The following PLXNA2 variants were observed in gnomAD, a reference collection of about 807,000 sequenced individuals.
PLXNA2 encodes plexin A2.
PLXNA2 carries 91 observed loss-of-function variants against 193.5 expected under a neutral mutation model. That is an observed-to-expected ratio of 0.47 (90% CI 0.40 to 0.56). The LOEUF is 0.56. Ranked by LOEUF, PLXNA2 falls within the 20% of genes least tolerant of loss-of-function variation. PLXNA2 has a pLI of 0.00. For synonymous variants in PLXNA2, 997 were observed against 1,027.3 expected, an observed-to-expected ratio of 0.97 and a Z score of 0.56; for missense variants, 1,995 against 2,503.2, an observed-to-expected ratio of 0.80 and a Z score of 4.33.
chr1:208,119,970 C>A (rs188179882), intron 4 of PLXNA2, among the ~76,000 whole-genome samples: 16 of 152,182 alleles, frequency 1.1e-4, no homozygotes, highest in Non-Finnish European at 1.6e-4. Flanking sequence ...GGTCCAGAAC[C>A]GGAGGGAGGT....
intron 13 of PLXNA2, among the ~76,000 whole-genome samples, chr1:208,060,231 A>G (rs140974614): frequency 3.3e-5 from 5 of 152,316 alleles, no homozygotes; most frequent in African/African-American, 1.2e-4. Context: ...TCTAATTTCC[A>G]GCTGACATTT....
rs76566753 is a variant in PLXNA2, at chr1:208,120,140, G to A, written c.1507-16893C>T. Among the ~76,000 whole-genome samples the A allele has an allele frequency of 9.4e-3, 1,435 of 152,314 alleles. 18 individuals are homozygous for A. The highest frequency in any genetic ancestry group is 0.031 in the African/African-American group (1,294 of 41,564). On this transcript the variant is annotated intron_variant, in intron 4 of 31. Coordinates refer to ENST00000367033, the MANE Select transcript of PLXNA2 (RefSeq NM_025179.4). ...ACAATACTGATTTAGCCCCGGCTGG[G>A]TGCAGAGTTTTCTGATGGATGTCAC...
intron 3 of PLXNA2, among the ~76,000 whole-genome samples, chr1:208,152,848 T>C (rs1668814489): frequency 6.6e-6 from 1 of 151,666 alleles, no homozygotes; most frequent in Non-Finnish European, 1.5e-5. Flanking sequence ...TTCACGCCTT[T>C]GCTTGACAAT....
At chr1:208,087,287 G>A (rs1420320686) in intron 9 of PLXNA2, among the ~76,000 whole-genome samples, 1 of 151,912 alleles carries the variant, frequency 6.6e-6, no homozygotes, top group South Asian at 2.1e-4. Context: ...TAACACATAT[G>A]TTATCTATAT....
At chr1:208,090,101 C>T (rs1005383092) in intron 9 of PLXNA2, among the ~76,000 whole-genome samples, 9 of 152,142 alleles carry the variant, frequency 5.9e-5, no homozygotes, top group African/African-American at 2.2e-4. Context: ...CTGGCAACCT[C>T]GCTGGGAATC....
intron 3 of PLXNA2, among the ~76,000 whole-genome samples, chr1:208,162,510 T>TG (rs564266116): frequency 2.7e-3 from 409 of 152,316 alleles, no homozygotes; most frequent in African/African-American, 9.4e-3. Context: ...TTTGGCCCTT[T>TG]GTGCTTCTTT....
chr1:208,042,370 G>C lies in PLXNA2; in HGVS notation c.4018-4C>G. 6.2e-7 allele frequency: 1 copy of C among 1,612,054 alleles called. No homozygotes were observed. Among genetic ancestry groups the C allele is most frequent in the Non-Finnish European group, 8.5e-7 (1 of 1,178,466 alleles). On this transcript the variant is annotated splice_polypyrimidine_tract_variant and splice_region_variant and intron_variant, in intron 21 of 31. Coordinates refer to ENST00000367033, the MANE Select transcript of PLXNA2 (RefSeq NM_025179.4). ...GCTGCTGCCCGTTTCCTTGTACCTG[G>C]GGTGGGGTGTGGTGGAGGCGACGCC...
In PLXNA2 at chr1:208,051,985, G is replaced by A. The variant is rs11809693; in HGVS notation, c.2993+342C>T. On this transcript the variant is annotated intron_variant, in intron 15 of 31. Coordinates refer to ENST00000367033, the MANE Select transcript of PLXNA2 (RefSeq NM_025179.4). The stretch of plus-strand genomic sequence containing the variant: ...CATAAGTCTGTGCTTTCTAAGAACT[G>A]AGGCTATGCAATCTCCGTGTTTTTC... Among the ~76,000 whole-genome samples the A allele has an allele frequency of 7.6e-3, 1,162 of 152,252 alleles. 17 individuals are homozygous for A. Among genetic ancestry groups the A allele is most frequent in the African/African-American group, 0.026 (1,083 of 41,532 alleles).
At chr1:208,158,012 C>T (rs1032084113) in intron 3 of PLXNA2, among the ~76,000 whole-genome samples, 1 of 152,138 alleles carries the variant, frequency 6.6e-6, no homozygotes, top group Non-Finnish European at 1.5e-5. Flanking sequence ...CTCACTGGCA[C>T]CGTGTGCTGT....
chr1:208,203,887 C>A (rs1172735397), intron 3 of PLXNA2, among the ~76,000 whole-genome samples: 3 of 152,196 alleles, frequency 2.0e-5, no homozygotes, highest in Admixed American at 2.0e-4. Flanking sequence ...TGAGTAATAA[C>A]CCCAGGGCTG....
In PLXNA2 at chr1:208,054,424, G is replaced by A. The variant is rs1251624760; in HGVS notation, c.2853C>T (p.Phe951=). The change falls in exon 14 of 32, where the codon TTC becomes TTT. Residue 951 remains phenylalanine (F), a synonymous_variant. Coordinates refer to ENST00000367033, the MANE Select transcript of PLXNA2 (RefSeq NM_025179.4). ...TGGCCCTGGACCCAGTACTCACCAC[G>A]AAGGTGTACTGCTGATGGGACTTCG... The part of the protein sequence containing the change: ...FMTKSHQQYT[F]VNPSVLSLNP... 5 of 1,608,144 alleles carry A rather than the reference G, an allele frequency of 3.1e-6. No individual in the cohort carries two copies. The highest frequency in any genetic ancestry group is 1.1e-5 in the South Asian group (1 of 90,948).
chr1:208,053,606 C>T (rs1665333336), intron 14 of PLXNA2, among the ~76,000 whole-genome samples: 2 of 152,226 alleles, frequency 1.3e-5, no homozygotes, highest in African/African-American at 2.4e-5. Context: ...TTAAAACTCT[C>T]AGCAAGGCTG....
chr1:208,234,502 G>C (rs1044096573), intron 1 of PLXNA2, among the ~76,000 whole-genome samples: 24 of 152,198 alleles, frequency 1.6e-4, no homozygotes, highest in African/African-American at 5.6e-4. Context: ...TCCTTGTGTT[G>C]CTTGGGGAGC....
At chr1:208,167,145 C>T (rs1669335587) in intron 3 of PLXNA2, among the ~76,000 whole-genome samples, 1 of 152,112 alleles carries the variant, frequency 6.6e-6, no homozygotes, top group Non-Finnish European at 1.5e-5. Flanking sequence ...GAATTTTAAC[C>T]TTATTCTCTC....
intron 1 of PLXNA2, among the ~76,000 whole-genome samples, chr1:208,220,747 T>G (rs1047604261): frequency 6.6e-6 from 1 of 152,144 alleles, no homozygotes; most frequent in Non-Finnish European, 1.5e-5. Context: ...TGGCCTGTTA[T>G]TGTCTTTGAA....
chr1:208,113,593 A>G (rs1571931660), intron 4 of PLXNA2, among the ~76,000 whole-genome samples: 1 of 115,478 alleles, frequency 8.7e-6, no homozygotes, highest in African/African-American at 3.4e-5. Context: ...TCTGTTGCCC[A>G]GCCTGGAGTG....
intron 12 of PLXNA2, among the ~76,000 whole-genome samples, chr1:208,071,423 C>G (rs1222750067): frequency 6.6e-6 from 1 of 152,232 alleles, no homozygotes; most frequent in African/African-American, 2.4e-5. Flanking sequence ...AACTTCGTGG[C>G]TGCACATTTT....
intron 3 of PLXNA2, among the ~76,000 whole-genome samples, chr1:208,161,649 C>G (rs777882547): frequency 6.6e-6 from 1 of 152,146 alleles, no homozygotes; most frequent in Non-Finnish European, 1.5e-5. Flanking sequence ...TGAGCCTCAG[C>G]TTCATCCCAT....
chr1:208,132,141 C>T (rs1172821536), intron 4 of PLXNA2, among the ~76,000 whole-genome samples: 1 of 152,212 alleles, frequency 6.6e-6, no homozygotes, highest in Admixed American at 6.5e-5. Context: ...GGCATTTCCC[C>T]TGACTGTCCA....
Sources: gnomAD v4.1 joint callset for allele counts (sites outside exome capture counted in the v4.1 genomes callset) on GRCh38, gnomAD v4.1.1 for gene constraint, MANE v1.5 for transcripts, NCBI Gene and HGNC (gene_info 2026-07-23, HGNC 2026-07-21) for gene names.